The following GSE1 variants were observed in gnomAD, a reference collection of about 807,000 sequenced individuals.
GSE1 encodes Gse1 coiled-coil protein, also known as genetic suppressor element 1.
GSE1 carries 32 observed loss-of-function variants against 112.6 expected under a neutral mutation model. The ratio of observed to expected loss-of-function variants is 0.28; its 90% CI spans 0.21 to 0.38. GSE1 has a LOEUF of 0.38. Among genes scored for constraint, GSE1 ranks in the 10% least tolerant of loss-of-function variants. The pLI is 1.00. For synonymous variants in GSE1, 1,115 were observed against 735.6 expected (o/e 1.52, Z -8.35); for missense variants, 2,348 against 1,699.2 (o/e 1.38, Z -6.71).
At chr16:85,531,238 T>TG (rs1334902523) in intron 2 of GSE1, among the ~76,000 whole-genome samples, 1 of 152,142 alleles carries the variant, frequency 6.6e-6, no homozygotes, top group African/African-American at 2.4e-5. Context: ...CTGAGACGGC[T>TG]GGGGTGTTGA....
At chr16:85,207,189 C>A (rs2075133281) in intron 1 of GSE1, among the ~76,000 whole-genome samples, 2 of 152,160 alleles carry the variant, frequency 1.3e-5, no homozygotes, top group Non-Finnish European at 2.9e-5. Context: ...AATCTGGGAC[C>A]CCCCCGTCCT....
At chr16:85,209,405 T>C (rs1264800930) in intron 1 of GSE1, among the ~76,000 whole-genome samples, 1 of 152,152 alleles carries the variant, frequency 6.6e-6, no homozygotes, top group Non-Finnish European at 1.5e-5. Context: ...GCCCCTGCTC[T>C]GATCATTTGG....
At chr16:85,569,079 T>C (rs1275064016) in intron 1 of GSE1, among the ~76,000 whole-genome samples, 6 of 152,212 alleles carry the variant, frequency 3.9e-5, no homozygotes. Context: ...TCAAGCCTTC[T>C]TGAAATAGTA....
chr16:85,556,908 C>T (rs1353011660), intron 1 of GSE1, among the ~76,000 whole-genome samples: 1 of 151,998 alleles, frequency 6.6e-6, no homozygotes, highest in African/African-American at 2.4e-5. Context: ...GAGGAGGGGG[C>T]CGGGGAAGCT....
At chr16:85,628,336 A>AT (rs2049252678) in intron 1 of GSE1, among the ~76,000 whole-genome samples, 2 of 152,154 alleles carry the variant, frequency 1.3e-5, no homozygotes, top group African/African-American at 4.8e-5. Context: ...CGGGGCAGGG[A>AT]TGCTGCCCGC....
intron 1 of GSE1, among the ~76,000 whole-genome samples, chr16:85,215,198 T>A (rs561683969): frequency 6.6e-6 from 1 of 152,310 alleles, no homozygotes; most frequent in South Asian, 2.1e-4. Context: ...TGAAACCCTG[T>A]GATTTGGGTC....
intron 1 of GSE1, among the ~76,000 whole-genome samples, chr16:85,253,447 G>C (rs772113480): frequency 3.9e-5 from 6 of 152,248 alleles, no homozygotes; most frequent in African/African-American, 1.4e-4. Context: ...CAGAGCTGCT[G>C]CTGCAGCCAC....
At chr16:85,464,402 T>C (rs1313222454) in intron 2 of GSE1, among the ~76,000 whole-genome samples, 1 of 152,200 alleles carries the variant, frequency 6.6e-6, no homozygotes, top group Non-Finnish European at 1.5e-5. Flanking sequence ...TAAGTGAACC[T>C]GCAAAACTCT....
In GSE1 at chr16:85,311,810, T is replaced by C. The variant is rs555989321; in HGVS notation, c.2284-45653T>C. Among the ~76,000 whole-genome samples the C allele has an allele frequency of 6.6e-6, 1 of 152,290 alleles. No homozygotes were observed. Among genetic ancestry groups the C allele is most frequent in the South Asian group, 2.1e-4 (1 of 4,826 alleles). On this transcript the variant is annotated intron_variant, in intron 1 of 2. Transcript: ENST00000637419. The surrounding 1 kb of genome is among the most constrained non-coding windows in gnomAD (Gnocchi z 4.2). The stretch of plus-strand genomic sequence containing the variant: ...ACATACCACCTTGCAGTCCTGGTGA[T>C]GGGGACCCACTGTCTGACCTGTGGC...
At chr16:85,343,614 G>A (rs1388204964) in intron 1 of GSE1, among the ~76,000 whole-genome samples, 6 of 152,108 alleles carry the variant, frequency 3.9e-5, no homozygotes, top group Non-Finnish European at 8.8e-5. Flanking sequence ...AGGGCATATG[G>A]TGGTGCACGC....
chr16:85,300,143 C>G (rs949999445), intron 1 of GSE1, among the ~76,000 whole-genome samples: 1 of 152,040 alleles, frequency 6.6e-6, no homozygotes, highest in African/African-American at 2.4e-5. Context: ...TCCCGAGTAG[C>G]TGGGATTACA....
At chr16:85,434,319 A>G (rs1486850172) in intron 2 of GSE1, among the ~76,000 whole-genome samples, 1 of 141,586 alleles carries the variant, frequency 7.1e-6, no homozygotes, top group Non-Finnish European at 1.5e-5. Flanking sequence ...AATAATAATA[A>G]TAATAATAAT....
At chr16:85,294,616 ACTCTCTCTCTCTCTCTCTCTCT>A (rs756560732) in intron 1 of GSE1, among the ~76,000 whole-genome samples, 5 of 76,656 alleles carry the variant, frequency 6.5e-5, no homozygotes, top group East Asian at 4.7e-4. Context: ...CACGCCTCTC[ACTCTCTCTCTCTCTCTCTCTCT>A]CTCTCTCTCT....
intron 2 of GSE1, among the ~76,000 whole-genome samples, chr16:85,402,525 C>T (rs530842156): frequency 2.0e-5 from 3 of 152,280 alleles, no homozygotes; most frequent in African/African-American, 7.2e-5. Context: ...GAGTGGCCTG[C>T]AAGCCATGTG....
chr16:85,649,256 T>TCAGAAC lies in GSE1; in HGVS notation c.426+505_426+506insCAGAAC, dbSNP rs2051134939. 2.0e-5 allele frequency among the ~76,000 whole-genome samples: 3 copies of TCAGAAC among 152,164 alleles called. No individual in the cohort carries two copies. In the South Asian group the frequency reaches 6.2e-4, roughly 32 times the overall value. On this transcript the variant is annotated intron_variant, in intron 3 of 15. Transcript: ENST00000253458. ...CAAATGCAGTTCCGTTCTGAGGCCC[T>TCAGAAC]GGGCATCAGGGCTCTAACACGGATT...
At chr16:85,177,681 T>C (rs1342840397) in intron 1 of GSE1, among the ~76,000 whole-genome samples, 1 of 152,248 alleles carries the variant, frequency 6.6e-6, no homozygotes, top group Non-Finnish European at 1.5e-5. Flanking sequence ...TTGTGATTTA[T>C]TGGCAGTCTC....
chr16:85,484,068 G>C (rs1455684244), intron 2 of GSE1, among the ~76,000 whole-genome samples: 1 of 152,206 alleles, frequency 6.6e-6, no homozygotes, highest in Non-Finnish European at 1.5e-5. Flanking sequence ...TCAGATTCGC[G>C]GTAGGATGAC....
chr16:85,485,055 A>G (rs1280158311), intron 2 of GSE1, among the ~76,000 whole-genome samples: 2 of 152,150 alleles, frequency 1.3e-5, no homozygotes. Context: ...TTGCCAGGCT[A>G]CCCGTTGTCC....
At chr16:85,462,318 G>A (rs1244398827) in intron 2 of GSE1, among the ~76,000 whole-genome samples, 8 of 152,056 alleles carry the variant, frequency 5.3e-5, no homozygotes, top group South Asian at 2.1e-4. Flanking sequence ...TCCTGTGGCC[G>A]CCACCTGGCT....
Sources: gnomAD v4.1 joint callset for allele counts (sites outside exome capture counted in the v4.1 genomes callset) on GRCh38, gnomAD v4.1.1 for gene constraint, Gnocchi (gnomAD v3.1) non-coding constraint, MANE v1.5 for transcripts, NCBI Gene and HGNC (gene_info 2026-07-23, HGNC 2026-07-21) for gene names.